The following SNX19 variants were observed in gnomAD, a reference collection of about 807,000 sequenced individuals.
SNX19 encodes sorting nexin-19.
SNX19 carries 60 observed loss-of-function variants against 85.2 expected under a neutral mutation model. The ratio of observed to expected loss-of-function variants is 0.70; its 90% CI spans 0.57 to 0.87. The LOEUF (loss-of-function observed/expected upper bound fraction) is 0.87, where lower values mean the gene tolerates loss of function less well. SNX19 is among the 40% of genes least tolerant of loss of function. The pLI, the probability that SNX19 is intolerant of heterozygous loss-of-function variation, is 0.00. For missense variants in SNX19, 1,201 were observed against 1,217.8 expected (o/e 0.99, Z 0.21); for synonymous variants, 520 against 470.0 (o/e 1.11, Z -1.38).
chr11:130,885,620 CAG>C (rs1225482613), intron 8 of SNX19, among the ~76,000 whole-genome samples: 9 of 152,128 alleles, frequency 5.9e-5, no homozygotes, highest in Admixed American at 2.6e-4. Context: ...AATCATAAAA[CAG>C]AAAATATTCA....
At position 130,866,515 on chromosome 11, in the gene SNX19, CCTT is replaced by C. The variant is rs1473838384; in HGVS notation, c.*11904_*11906del. 1 of 152,212 alleles carries C rather than the reference CCTT, an allele frequency of 6.6e-6. No homozygotes were observed. Among genetic ancestry groups the C allele is most frequent in the Non-Finnish European group, 1.5e-5 (1 of 68,042 alleles). 9.4% of individuals were successfully genotyped at this position (152,212 alleles called of 1,614,324 possible). ...GTTACCCAATCAAGCCCTTTTACCT[CCTT>C]AAGATGGCAGATTAGAAGACCCTCT... On this transcript the variant is annotated 3_prime_UTR_variant, in exon 11 of 11. Transcript: ENST00000265909.
In SNX19 at chr11:130,914,398, G is replaced by A; in HGVS notation, c.1542C>T (p.Ala514=). The A allele has an allele frequency of 6.2e-7, 1 of 1,613,946 alleles. No homozygotes were observed. The highest frequency in any genetic ancestry group is 8.5e-7 in the Non-Finnish European group (1 of 1,179,868). ...SSSPPGPLSS[A]TFSFEPLSSP... is the part of the protein sequence containing the mutation. ...TGCTTAGGGGCTCAAAGCTGAAGGTGGCTGAGCTGAGAGGACCAGGTGGAG... is the reference window on the plus strand; with the variant it reads ...TGCTTAGGGGCTCAAAGCTGAAGGTAGCTGAGCTGAGAGGACCAGGTGGAG... The change falls in exon 1 of 11, where the codon GCC becomes GCT. Residue 514 remains alanine (A), a synonymous_variant. Transcript: ENST00000265909.
At position 130,914,511 on chromosome 11, in the gene SNX19, G is replaced by T. The variant is rs749397012; in HGVS notation, c.1429C>A (p.Pro477Thr). ...ALLEGPEKTC[P>T]SRPSCLEKDL... is the part of the protein sequence containing the mutation. ...TTCTCTAAGCATGACGGCCGTGAGG[G>T]GCAGGTCTTTTCTGGCCCCTCCAGC... The change falls in exon 1 of 11, where the codon CCC (proline) becomes ACC (threonine). Residue 477 changes from proline to threonine, a missense_variant. By Grantham distance (38) the Pro-to-Thr change is conservative. This residue lies in a region of SNX19 where 791 missense variants were observed against 750.9 expected (regional missense o/e 1.05). Transcript: ENST00000265909. The T allele has an allele frequency of 1.2e-6, 2 of 1,613,852 alleles. No individual in the cohort carries two copies. Among genetic ancestry groups the T allele is most frequent in the Non-Finnish European group, 8.5e-7 (1 of 1,179,870 alleles).
rs146262748 is a variant in SNX19 at position 130,915,683 on chromosome 11, G to A, written c.257C>T (p.Ala86Val). ...RLHLERFIPL[A>V]TCPPCPEAER... ...TGCCTCAGGGCATGGAGGACAGGTG[G>A]CCAACGGGATGAAGCGTTCCAGATG... The change falls in exon 1 of 11, where the codon GCC (alanine) becomes GTC (valine). Residue 86 changes from alanine (A) to valine (V), a missense_variant. Transcript: ENST00000265909. 2.5e-6 allele frequency: 4 copies of A among 1,614,102 alleles called. No individual in the cohort carries two copies. Among genetic ancestry groups the A allele is most frequent in the East Asian group, 2.2e-5 (1 of 44,888 alleles).
At chr11:130,897,050 A>C (rs7943935) in intron 8 of SNX19, among the ~76,000 whole-genome samples, 96,513 of 151,854 alleles carry the variant, frequency 0.64, 30,943 homozygotes, top group South Asian at 0.8. Context: ...CTTGCAGCAC[A>C]GCACTCTCCA....
chr11:130,900,150 A>G (rs1471492147), intron 8 of SNX19, among the ~76,000 whole-genome samples: 1 of 152,192 alleles, frequency 6.6e-6, no homozygotes, highest in Non-Finnish European at 1.5e-5. Context: ...CAACCAAAAA[A>G]TTTAAAAAAT....
At chr11:130,891,737 G>T (rs1033200826) in intron 8 of SNX19, among the ~76,000 whole-genome samples, 2 of 152,120 alleles carry the variant, frequency 1.3e-5, no homozygotes, top group African/African-American at 4.8e-5. Context: ...AAGACACTTG[G>T]GGTCTGTGTA....
At position 130,879,606 on chromosome 11, in the gene SNX19, T is replaced by C; in HGVS notation, c.2846+18A>G. ...GGCTGTAACTATGCTGATGTTGGAATAACATTTTCCCACTTACCTGTTGAT... is the reference window on the plus strand; with the variant it reads ...GGCTGTAACTATGCTGATGTTGGAACAACATTTTCCCACTTACCTGTTGAT... On this transcript the variant is annotated intron_variant, in intron 10 of 10. Coordinates refer to ENST00000265909, the MANE Select transcript of SNX19 (RefSeq NM_014758.3). The C allele has an allele frequency of 6.2e-7, 1 of 1,609,920 alleles. No homozygotes were observed. Among genetic ancestry groups the C allele is most frequent in the South Asian group, 1.1e-5 (1 of 91,008 alleles).
At position 130,880,617 on chromosome 11, in the gene SNX19, A is replaced by G. The variant is rs1415391483; in HGVS notation, c.2758+5T>C. ...TGGTATAATTGATCTCATTGGTCCA[A>G]TTACCTGGGAGGACTCCCATCAGGC... On this transcript the variant is annotated splice_donor_5th_base_variant and intron_variant, in intron 9 of 10. Transcript: ENST00000265909. 1.5e-5 allele frequency: 23 copies of G among 1,583,904 alleles called. No individual in the cohort carries two copies. The highest frequency in any genetic ancestry group is 3.4e-5 in the Admixed American group (2 of 59,398).
Position 130,910,474 on chromosome 11 carries a change from T to C in SNX19, c.1814-104A>G, listed in dbSNP as rs1946020799. The C allele has an allele frequency of 4.6e-6, 4 of 869,266 alleles. No homozygotes were observed. In the South Asian group the frequency reaches 7.2e-5, roughly 16 times the overall value. The allele number at this position is 869,266 out of a possible 1,614,324, so 53.8% of individuals were successfully genotyped here. On this transcript the variant is annotated intron_variant, in intron 2 of 10. Transcript: ENST00000265909. The stretch of plus-strand genomic sequence containing the variant: ...AAACAGAACTATTGAATATATTTCC[T>C]TGGATTAAAAAAAACAATTTCAGGA...
chr11:130,898,520 T>TATA (rs1394152682), intron 8 of SNX19, among the ~76,000 whole-genome samples: 3 of 152,176 alleles, frequency 2.0e-5, no homozygotes, highest in Non-Finnish European at 4.4e-5. Flanking sequence ...ATGGCTCAGC[T>TATA]ACCCGTGGTT....
rs1344329409 is a variant in SNX19, at chr11:130,876,020, T to C, written c.*2402A>G. 1 of 152,132 alleles carries C rather than the reference T, an allele frequency of 6.6e-6. No homozygotes were observed. The highest frequency in any genetic ancestry group is 2.4e-5 in the African/African-American group (1 of 41,422). The allele number at this position is 152,132 out of a possible 1,614,324, so 9.4% of individuals were successfully genotyped here. On this transcript the variant is annotated 3_prime_UTR_variant, in exon 11 of 11. Transcript: ENST00000265909. ...CAATGGCAAAGATCACATTTAGAAT[T>C]TGACAGAAAGAACACAGCATCCCTG...
At chr11:130,904,111 C>T (rs554067465) in intron 7 of SNX19, among the ~76,000 whole-genome samples, 9 of 152,148 alleles carry the variant, frequency 5.9e-5, no homozygotes, top group South Asian at 2.1e-4. Context: ...GTAAGGGCCA[C>T]AAATGAGCTT....
chr11:130,878,204 A>G lies in SNX19; in HGVS notation c.*218T>C, dbSNP rs1277911365. 6 of 412,004 alleles carry G rather than the reference A, an allele frequency of 1.5e-5. No homozygotes were observed. Among genetic ancestry groups the G allele is most frequent in the South Asian group, 6.8e-5 (1 of 14,706 alleles). The allele number at this position is 412,004 out of a possible 1,614,324, so 25.5% of individuals were successfully genotyped here. On this transcript the variant is annotated 3_prime_UTR_variant, in exon 11 of 11. Transcript: ENST00000265909. The stretch of plus-strand genomic sequence containing the variant: ...TCTACTCACCAGCAACAATCCCAAC[A>G]TCACAAAAGGAACAGGGAAATAAAC...
intron 8 of SNX19, among the ~76,000 whole-genome samples, chr11:130,882,419 C>T (rs1027926232): frequency 1.1e-4 from 16 of 152,236 alleles, no homozygotes; most frequent in Non-Finnish European, 2.4e-4. Flanking sequence ...AGACAGTCTG[C>T]ATTCCACTCA....
chr11:130,887,109 C>T (rs1357324999), intron 8 of SNX19, among the ~76,000 whole-genome samples: 1 of 152,248 alleles, frequency 6.6e-6, no homozygotes, highest in African/African-American at 2.4e-5. Flanking sequence ...GAATCATGTA[C>T]TTCAAGGGAA....
chr11:130,872,588 A>G lies in SNX19; in HGVS notation c.*5834T>C, dbSNP rs1445878839. 6.6e-6 allele frequency among the ~76,000 whole-genome samples: 1 copy of G among 152,114 alleles called. No homozygotes were observed. Among genetic ancestry groups the G allele is most frequent in the African/African-American group, 2.4e-5 (1 of 41,430 alleles). Reference sequence around the variant, plus strand: ...CGCCTCTCTCATCCTTTATACCATAAAAGAGTGATGGCAATATGCTAGCTG... The same window carrying G: ...CGCCTCTCTCATCCTTTATACCATAGAAGAGTGATGGCAATATGCTAGCTG... On this transcript the variant is annotated 3_prime_UTR_variant, in exon 11 of 11. Transcript: ENST00000265909.
chr11:130,906,153 A>G lies in SNX19; in HGVS notation c.2263-20T>C, dbSNP rs1026612090. On this transcript the variant is annotated intron_variant, in intron 6 of 10. Transcript: ENST00000265909. Reference sequence around the variant, plus strand: ...AGACTCCTAAGAAATAGTCAGTGGCATATCACATATGGAATGCTGACAGTA... The same window carrying G: ...AGACTCCTAAGAAATAGTCAGTGGCGTATCACATATGGAATGCTGACAGTA... 4 of 1,608,966 alleles carry G rather than the reference A, an allele frequency of 2.5e-6. No homozygotes were observed. Among genetic ancestry groups the G allele is most frequent in the Admixed American group, 3.4e-5 (2 of 59,642 alleles).
chr11:130,892,201 CT>C (rs1175977716), intron 8 of SNX19, among the ~76,000 whole-genome samples: 2 of 149,886 alleles, frequency 1.3e-5, no homozygotes, highest in Non-Finnish European at 3.0e-5. Flanking sequence ...TCAAGTCAAC[CT>C]TTTTTTGGCC....
Sources: allele counts gnomAD v4.1 joint callset (sites outside exome capture counted in the v4.1 genomes callset), GRCh38; gene constraint gnomAD v4.1.1; regional missense constraint gnomAD v4.1.1; transcripts MANE v1.5; gene names NCBI Gene and HGNC (gene_info 2026-07-23, HGNC 2026-07-21).